The following NFIX variants were observed in gnomAD, a reference collection of about 807,000 sequenced individuals.
NFIX encodes the protein nuclear factor I X.
In NFIX, 2 loss-of-function variants were observed where a neutral mutation model predicts 53.3. The observed-to-expected ratio is 0.04, with a 90% confidence interval of 0.02 to 0.12. NFIX has a LOEUF of 0.12. Ranked by LOEUF, NFIX falls within the 10% of genes least tolerant of loss-of-function variation. The pLI is 1.00. For synonymous variants in NFIX, 244 were observed against 289.0 expected (o/e 0.84, Z 1.58); for missense variants, 310 against 674.5 (o/e 0.46, Z 5.99).
In NFIX at chr19:13,027,242, G is replaced by A. The variant is rs1258835672; in HGVS notation, c.559+1690G>A. Among the ~76,000 whole-genome samples the A allele has an allele frequency of 6.6e-6, 1 of 152,130 alleles. No individual in the cohort carries two copies. The highest frequency in any genetic ancestry group is 6.6e-5 in the Admixed American group (1 of 15,258). On this transcript the variant is annotated intron_variant, in intron 2 of 10. Coordinates refer to ENST00000592199, the MANE Select transcript of NFIX (RefSeq NM_001365902.3). The surrounding 1 kb of genome is among the most constrained non-coding windows in gnomAD (Gnocchi z 4.3). ...CTGCATCCGGCCCTGTGTGACCATC[G>A]TGACCCGTCATGCAGAAGGGCCAGG...
intron 2 of NFIX, among the ~76,000 whole-genome samples, chr19:13,039,714 G>A (rs1259473848): frequency 6.6e-6 from 1 of 152,228 alleles, no homozygotes; most frequent in Non-Finnish European, 1.5e-5. Context: ...TTGCTCCGTT[G>A]TGATACTTAG....
Position 13,081,730 on chromosome 19 carries a change from A to T in NFIX, c.1129A>T (p.Ile377Phe). 1.2e-6 allele frequency: 2 copies of T among 1,613,660 alleles called. No individual in the cohort carries two copies. Among genetic ancestry groups the T allele is most frequent in the Non-Finnish European group, 1.7e-6 (2 of 1,179,808 alleles). The change falls in exon 8 of 11, where the codon ATC (isoleucine) becomes TTC (phenylalanine). Residue 377 changes from isoleucine (I) to phenylalanine (F), a missense_variant. Around this residue, in one of 5 missense-constraint regions of NFIX, gnomAD observed 35 missense variants for 114.8 expected, o/e 0.30. Coordinates refer to ENST00000592199, the MANE Select transcript of NFIX (RefSeq NM_001365902.3). The surrounding 1 kb of genome is among the most constrained non-coding windows in gnomAD (Gnocchi z 4.7). ...CCTGCACTTCCCCTCCACGTCCATC[A>T]TCCAGCAGTCGAGCCCGTATTTCAC... is the stretch of plus-strand genomic sequence containing the variant. The part of the protein sequence containing the change: ...SALHFPSTSI[I>F]QQSSPYFTHP...
In NFIX at chr19:13,046,465, T is replaced by TC. The variant is rs369335435; in HGVS notation, c.559+20922dup. On this transcript the variant is annotated intron_variant, in intron 2 of 10. Transcript: ENST00000592199. Reference sequence around the variant, plus strand: ...CCCTAATAGTGGAATCGCGTTGCCTTCCCCCCCCCTCTTTTTTTTGCCTTG... The same window carrying TC: ...CCCTAATAGTGGAATCGCGTTGCCTTCCCCCCCCCCTCTTTTTTTTGCCTTG... Among the ~76,000 whole-genome samples, 260 of 150,736 alleles carry TC rather than the reference T, an allele frequency of 1.7e-3. 1 individual carries two copies. Among genetic ancestry groups the TC allele is most frequent in the Non-Finnish European group, 7.3e-4 (49 of 67,566 alleles).
chr19:13,005,149 G>A lies in NFIX; in HGVS notation c.27+9285G>A, dbSNP rs1032182417. Among the ~76,000 whole-genome samples the A allele has an allele frequency of 2.6e-5, 4 of 152,184 alleles. No individual in the cohort carries two copies. The highest frequency in any genetic ancestry group is 4.4e-5 in the Non-Finnish European group (3 of 68,024). On this transcript the variant is annotated intron_variant, in intron 1 of 10. Transcript: ENST00000592199. This position sits in a 1 kb window ranked among gnomAD's most constrained non-coding sequence, Gnocchi z 4.7. ...CTAAGTTCTGAGACTCCTGTCCTCC[G>A]TGGGGCTGTCTCACTAATCCTTTGG...
At position 13,005,584 on chromosome 19, in the gene NFIX, T is replaced by C. The variant is rs2011968181; in HGVS notation, c.27+9720T>C. ...GCTTGATGTGAAAACCTGCTTTGAT[T>C]TTATGGATGAAAAACCAAGACTCAG... On this transcript the variant is annotated intron_variant, in intron 1 of 10. Coordinates refer to ENST00000592199, the MANE Select transcript of NFIX (RefSeq NM_001365902.3). The surrounding 1 kb of genome is among the most constrained non-coding windows in gnomAD (Gnocchi z 4.7). Among the ~76,000 whole-genome samples the C allele has an allele frequency of 6.6e-6, 1 of 152,196 alleles. No individual in the cohort carries two copies. Among genetic ancestry groups the C allele is most frequent in the South Asian group, 2.1e-4 (1 of 4,820 alleles).
At chr19:13,019,038 C>G (rs1156358959) in intron 1 of NFIX, among the ~76,000 whole-genome samples, 1 of 152,088 alleles carries the variant, frequency 6.6e-6, no homozygotes, top group Non-Finnish European at 1.5e-5. Context: ...TGTAGTTACC[C>G]AGATCAACAT....
intron 2 of NFIX, among the ~76,000 whole-genome samples, chr19:13,030,347 C>T (rs1000748023): frequency 2.0e-5 from 3 of 152,150 alleles, no homozygotes; most frequent in African/African-American, 7.2e-5. Context: ...ATTAAACCAG[C>T]TAATATGTAA....
At position 13,013,092 on chromosome 19, in the gene NFIX, C is replaced by T. The variant is rs2012460684; in HGVS notation, c.28-11929C>T. On this transcript the variant is annotated intron_variant, in intron 1 of 10. Transcript: ENST00000592199. The surrounding 1 kb of genome is among the most constrained non-coding windows in gnomAD (Gnocchi z 5.9). ...AAAAAAAACCTTTAAAAACCCAAAA[C>T]CTCCCCTCCAAGTCCCTTTCGATCT... Among the ~76,000 whole-genome samples, 1 of 151,800 alleles carries T rather than the reference C, an allele frequency of 6.6e-6. No individual in the cohort carries two copies. Among genetic ancestry groups the T allele is most frequent in the Non-Finnish European group, 1.5e-5 (1 of 67,960 alleles).
At chr19:13,034,502 C>T (rs1434627655) in intron 2 of NFIX, among the ~76,000 whole-genome samples, 2 of 152,208 alleles carry the variant, frequency 1.3e-5, no homozygotes, top group African/African-American at 4.8e-5. Flanking sequence ...GGGATCCCAC[C>T]TGACCTTCTC....
rs370210836 is a variant in NFIX, at chr19:13,073,624, G to A, written c.697+128G>A. The A allele has an allele frequency of 7.4e-5, 65 of 875,348 alleles. No individual in the cohort carries two copies. Among genetic ancestry groups the A allele is most frequent in the African/African-American group, 4.9e-4 (30 of 60,806 alleles). The allele number at this position is 875,348 out of a possible 1,614,324, so 54.2% of individuals were successfully genotyped here. A position where few individuals can be genotyped will look rare whatever the true frequency, so the allele number is the denominator to read the frequency against. ...AACAGATGCTTTCTGGGACACTCTC[G>A]GCTTCACTGGTGCTGGGCTGGGTAC... is the stretch of plus-strand genomic sequence containing the variant. On this transcript the variant is annotated intron_variant, in intron 4 of 10. Coordinates refer to ENST00000592199, the MANE Select transcript of NFIX (RefSeq NM_001365902.3). The surrounding 1 kb of genome is among the most constrained non-coding windows in gnomAD (Gnocchi z 4.5).
intron 8 of NFIX, chr19:13,082,701 G>C (rs1484315215): frequency 1.3e-5 from 2 of 152,264 alleles, no homozygotes; most frequent in African/African-American, 4.8e-5. Flanking sequence ...GTCCCTGGTT[G>C]GAATGTGGAG....
rs764069159 is a variant in NFIX, at chr19:13,025,572, T to C, written c.559+20T>C. 2 of 1,595,634 alleles carry C rather than the reference T, an allele frequency of 1.3e-6. No homozygotes were observed. The highest frequency in any genetic ancestry group is 1.7e-6 in the Non-Finnish European group (2 of 1,170,002). On this transcript the variant is annotated intron_variant, in intron 2 of 10. Coordinates refer to ENST00000592199, the MANE Select transcript of NFIX (RefSeq NM_001365902.3). This position sits in a 1 kb window ranked among gnomAD's most constrained non-coding sequence, Gnocchi z 7.5. ...CTCCGGGTAGGTCGTTCTCAACCAT[T>C]TTTCCCTCTCATTTTATTTTCCTTG...
rs1384958743 is a variant in NFIX, at chr19:13,094,554, C to A, written c.1495-81C>A. On this transcript the variant is annotated intron_variant, in intron 10 of 10. Transcript: ENST00000592199. The surrounding 1 kb of genome is among the most constrained non-coding windows in gnomAD (Gnocchi z 4.3). ...CTTTGGGAGCTGGACCCTTGAGGGG[C>A]CAGGTCACTGGGCCAGGTAGGAGTG... 8.3e-6 allele frequency: 12 copies of A among 1,447,846 alleles called. No homozygotes were observed. The highest frequency in any genetic ancestry group is 1.0e-5 in the Non-Finnish European group (11 of 1,070,040). The allele number at this position is 1,447,846 out of a possible 1,614,324, so 89.7% of individuals were successfully genotyped here.
At chr19:13,061,016 T>G (rs1243590381) in intron 2 of NFIX, among the ~76,000 whole-genome samples, 1 of 152,160 alleles carries the variant, frequency 6.6e-6, no homozygotes, top group Non-Finnish European at 1.5e-5. Flanking sequence ...GAGACAAGTC[T>G]GCACTGCCAA....
chr19:13,024,797 AGATGG>A lies in NFIX; in HGVS notation c.28-221_28-217del. On this transcript the variant is annotated intron_variant, in intron 1 of 10. Transcript: ENST00000592199. ...TGCCTCTGTCTGGCTGCTGAGGCTG[AGATGG>A]GAGCAAGTGGCTGGCGAAGCTGGTG... 2.1e-6 allele frequency: 3 copies of A among 1,440,426 alleles called. No individual in the cohort carries two copies. In the Admixed American group the frequency reaches 5.9e-5, roughly 28 times the overall value. 89.2% of individuals were successfully genotyped at this position (1,440,426 alleles called of 1,614,324 possible).
chr19:13,074,550 G>A (rs1305479307), intron 5 of NFIX, among the ~76,000 whole-genome samples: 1 of 151,952 alleles, frequency 6.6e-6, no homozygotes. Flanking sequence ...AACAGTGTGT[G>A]TGGGCGGGAC....
chr19:13,064,512 T>C (rs1460514813), intron 2 of NFIX, among the ~76,000 whole-genome samples: 1 of 152,236 alleles, frequency 6.6e-6, no homozygotes, highest in Non-Finnish European at 1.5e-5. Context: ...TGGATGGCTA[T>C]TGCACACCGA....
rs1255835849 is a variant in NFIX at position 13,009,044 on chromosome 19, C to T, written c.27+13180C>T. On this transcript the variant is annotated intron_variant, in intron 1 of 10. Transcript: ENST00000592199. This position sits in a 1 kb window ranked among gnomAD's most constrained non-coding sequence, Gnocchi z 4.7. ...CCACACACTGCCTCATCCCCACTCA[C>T]AGTCAACGCCCGCAACACCCCGCCA... Among the ~76,000 whole-genome samples the T allele has an allele frequency of 3.3e-5, 5 of 152,238 alleles. No individual in the cohort carries two copies. The highest frequency in any genetic ancestry group is 1.2e-4 in the African/African-American group (5 of 41,452).
Position 13,073,259 on chromosome 19 carries a change from G to A in NFIX, c.622+150G>A, listed in dbSNP as rs1463811840. On this transcript the variant is annotated intron_variant, in intron 3 of 10. Transcript: ENST00000592199. The surrounding 1 kb of genome is among the most constrained non-coding windows in gnomAD (Gnocchi z 4.5). The stretch of plus-strand genomic sequence containing the variant: ...AGCTTGCTGTCCTGAGGGGATGGGG[G>A]CACACCTAGAGGATCCCCCCTGTTC... The A allele has an allele frequency of 2.1e-6, 2 of 962,384 alleles. No individual in the cohort carries two copies. Among genetic ancestry groups the A allele is most frequent in the East Asian group, 2.4e-5 (1 of 41,504 alleles). The allele number at this position is 962,384 out of a possible 1,614,324, so 59.6% of individuals were successfully genotyped here.
Sources: gnomAD v4.1 joint callset for allele counts (sites outside exome capture counted in the v4.1 genomes callset) on GRCh38, gnomAD v4.1.1 for gene constraint, gnomAD v4.1.1 regional missense constraint, Gnocchi (gnomAD v3.1) non-coding constraint, MANE v1.5 for transcripts, NCBI Gene and HGNC (gene_info 2026-07-23, HGNC 2026-07-21) for gene names.